Variants in PCDHA1 observed in about 807,000 individuals in gnomAD.
PCDHA1 encodes the protein protocadherin alpha 1.
In PCDHA1, 42 loss-of-function variants were observed where a neutral mutation model predicts 61.3. The observed-to-expected ratio is 0.69, with a 90% CI of 0.54 to 0.89. The LOEUF is 0.89. Ranked by LOEUF, PCDHA1 falls within the 40% of genes least tolerant of loss-of-function variation. PCDHA1 has a pLI of 0.00. For missense variants in PCDHA1, 1,256 were observed against 1,235.3 expected (o/e 1.02, Z -0.25); for synonymous variants, 610 against 553.8 (o/e 1.10, Z -1.43).
intron 3 of PCDHA1, among the ~76,000 whole-genome samples, chr5:141,006,808 A>T (rs576819521): frequency 1.3e-5 from 2 of 152,322 alleles, no homozygotes; most frequent in East Asian, 3.9e-4. Flanking sequence ...TTCTGGCTTG[A>T]GAAATGGGGT....
intron 1 of PCDHA1, chr5:140,876,767 C>G (rs1462172871): frequency 6.2e-7 from 1 of 1,614,076 alleles, no homozygotes. Flanking sequence ...GATGGGGGCT[C>G]GCCTTCGCTG....
chr5:140,900,432 C>T (rs782344144), intron 1 of PCDHA1, among the ~76,000 whole-genome samples: 1 of 152,178 alleles, frequency 6.6e-6, no homozygotes, highest in Non-Finnish European at 1.5e-5. Flanking sequence ...CACGTGCCAC[C>T]ACGGCCGGCT....
rs538677309 is a variant in PCDHA1, at chr5:140,927,177, G to T, written c.2395-51772G>T. ...GCAGGGCCAAAGCTGCCTGCGTCTT[G>T]ACCTACGACCTGGTGCTCGAGGACC... On this transcript the variant is annotated intron_variant, in intron 1 of 3. Coordinates refer to ENST00000504120, the MANE Select transcript of PCDHA1 (RefSeq NM_018900.4). 78 of 1,614,148 alleles carry T rather than the reference G, an allele frequency of 4.8e-5. 3 individuals carry two copies. In the East Asian group the frequency reaches 6.7e-4, roughly 14 times the overall value.
At chr5:140,835,036 G>A (rs1554134704) in intron 1 of PCDHA1, 16 of 1,285,586 alleles carry the variant, frequency 1.2e-5, no homozygotes, top group Non-Finnish European at 6.3e-6. Context: ...ACCGATGGAG[G>A]CAAACCCGAG....
intron 1 of PCDHA1, chr5:140,808,917 T>C (rs781794115): frequency 2.5e-6 from 4 of 1,613,602 alleles, no homozygotes; most frequent in Non-Finnish European, 3.4e-6. Flanking sequence ...GGTGGCGCAG[T>C]GAGCGAGCTG....
At position 140,870,584 on chromosome 5, in the gene PCDHA1, T is replaced by C. The variant is rs782563992; in HGVS notation, c.2394+81900T>C. The C allele has an allele frequency of 2.5e-6, 4 of 1,613,672 alleles. No homozygotes were observed. In the African/African-American group the frequency reaches 5.3e-5, roughly 22 times the overall value. On this transcript the variant is annotated intron_variant, in intron 1 of 3. Coordinates refer to ENST00000504120, the MANE Select transcript of PCDHA1 (RefSeq NM_018900.4). ...AACGCGCTGGTGTCCTACTCGCTGG[T>C]GGAGCGGCGGTTGGGCGACCGCGCG...
At chr5:140,856,030 A>G in intron 1 of PCDHA1, 2 of 1,561,578 alleles carry the variant, frequency 1.3e-6, no homozygotes, top group East Asian at 4.5e-5. Context: ...GTCGATTTGT[A>G]AAACAAGAGA....
chr5:140,857,004 T>C (rs1554149409), intron 1 of PCDHA1: 1 of 1,595,634 alleles, frequency 6.3e-7, no homozygotes, highest in Non-Finnish European at 8.6e-7. Context: ...GAAATTCATG[T>C]AGATGTTACA....
At chr5:140,968,410 T>A (rs1554230678) in intron 1 of PCDHA1, 2 of 1,614,040 alleles carry the variant, frequency 1.2e-6, no homozygotes, top group Non-Finnish European at 1.7e-6. Flanking sequence ...TCTTTGTGAC[T>A]GTGGAGGCTC....
intron 1 of PCDHA1, among the ~76,000 whole-genome samples, chr5:140,962,596 T>C (rs2095694957): frequency 6.6e-6 from 1 of 152,218 alleles, no homozygotes; most frequent in South Asian, 2.1e-4. Flanking sequence ...TTGACTGATA[T>C]ATTTCTTCTG....
chr5:140,974,481 A>T (rs1017520033), intron 1 of PCDHA1, among the ~76,000 whole-genome samples: 4 of 152,178 alleles, frequency 2.6e-5, no homozygotes, highest in Non-Finnish European at 5.9e-5. Context: ...TTCCACCCAG[A>T]ATTCTCAAAT....
intron 1 of PCDHA1, chr5:140,968,796 C>G (rs2096270881): frequency 6.2e-7 from 1 of 1,614,220 alleles, no homozygotes; most frequent in East Asian, 2.2e-5. Context: ...GTGGCCATTA[C>G]AGTAGCTGTG....
At chr5:140,934,258 A>G (rs2089731137) in intron 1 of PCDHA1, among the ~76,000 whole-genome samples, 1 of 152,140 alleles carries the variant, frequency 6.6e-6, no homozygotes, top group Non-Finnish European at 1.5e-5. Flanking sequence ...ATCAAAATTA[A>G]TAATAATCAG....
At position 140,978,997 on chromosome 5, in the gene PCDHA1, G is replaced by C. The variant is rs782253140; in HGVS notation, c.2443G>C (p.Gly815Arg). The C allele has an allele frequency of 2.7e-5, 44 of 1,614,040 alleles. No individual in the cohort carries two copies. Among genetic ancestry groups the C allele is most frequent in the Non-Finnish European group, 3.6e-5 (43 of 1,180,028 alleles). ...GCGTTACTCTGCCTCCCTGAGAGCA[G>C]GCATGCACAGGTATGTATTTCCCTC... ...DWRYSASLRAGMHSSVHLEEA... is the reference protein window; with the variant it reads ...DWRYSASLRARMHSSVHLEEA... Residue 815 changes from glycine to arginine, a missense_variant, in exon 2 of 4, where the codon GGC becomes CGC. Transcript: ENST00000504120.
At chr5:140,948,489 T>C (rs547481990) in intron 1 of PCDHA1, among the ~76,000 whole-genome samples, 6 of 151,790 alleles carry the variant, frequency 4.0e-5, no homozygotes, top group Admixed American at 3.3e-4. Context: ...TTCAATTTCT[T>C]TCATAGACTT....
At chr5:140,799,288 T>G (rs1185707502) in intron 1 of PCDHA1, among the ~76,000 whole-genome samples, 2 of 152,094 alleles carry the variant, frequency 1.3e-5, no homozygotes, top group Middle Eastern at 3.2e-3. Flanking sequence ...CATGTGACAT[T>G]CCATTTTGCA....
At chr5:140,941,334 T>C (rs1398027134) in intron 1 of PCDHA1, among the ~76,000 whole-genome samples, 2 of 133,354 alleles carry the variant, frequency 1.5e-5, no homozygotes, top group African/African-American at 5.5e-5. Flanking sequence ...TTTTTTTTTT[T>C]CAGATGGAGT....
At chr5:140,870,416 C>T in intron 1 of PCDHA1, 1 of 1,614,230 alleles carries the variant, frequency 6.2e-7, no homozygotes, top group Non-Finnish European at 8.5e-7. Flanking sequence ...TGGGCCACGG[C>T]CAGGGTATCC....
chr5:140,801,184 G>A (rs1554121297), intron 1 of PCDHA1: 2 of 1,575,362 alleles, frequency 1.3e-6, no homozygotes, highest in Non-Finnish European at 1.7e-6. Flanking sequence ...TCTAATATTT[G>A]GAAAATACTT....
Sources: allele counts gnomAD v4.1 joint callset (sites outside exome capture counted in the v4.1 genomes callset), GRCh38; gene constraint gnomAD v4.1.1; transcripts MANE v1.5; gene names NCBI Gene and HGNC (gene_info 2026-07-23, HGNC 2026-07-21).